Variants in EBI3 observed in about 807,000 individuals in gnomAD.
The protein encoded by EBI3 is interleukin-27 subunit beta.
In EBI3, 19 loss-of-function variants were observed where a neutral mutation model predicts 21.3. That is an observed-to-expected ratio of 0.89 (90% CI 0.62 to 1.31). The LOEUF is 1.31. Among genes scored for constraint, EBI3 ranks in the 50% most tolerant of loss-of-function variants. EBI3 has a pLI of 0.00. For missense variants in EBI3, 331 were observed against 314.0 expected (o/e 1.05, Z -0.41); for synonymous variants, 154 against 131.2 (o/e 1.17, Z -1.19).
intron 4 of EBI3, among the ~76,000 whole-genome samples, chr19:4,236,583 T>C (rs1970840574): frequency 7.3e-6 from 1 of 137,008 alleles, no homozygotes; most frequent in African/African-American, 2.8e-5. Context: ...AAGGGAGGTA[T>C]GGGGTCCTAT....
chr19:4,230,345 G>A (rs531784516), intron 1 of EBI3, among the ~76,000 whole-genome samples: 175 of 150,806 alleles, frequency 1.2e-3, no homozygotes, highest in African/African-American at 3.9e-3. Flanking sequence ...CGTGAGGATC[G>A]TGAGGCCAGG....
At chr19:4,234,584 T>C (rs1970819379) in intron 3 of EBI3, 83 bp from the exon 4 acceptor site, 1 of 1,538,886 alleles carries the variant, frequency 6.5e-7, no homozygotes, top group Non-Finnish European at 8.8e-7. Context: ...AATATATACA[T>C]AATATGTTGG....
rs1033696564 is a variant in EBI3, at chr19:4,235,326, G to T, written c.537+502G>T. On this transcript the variant is annotated intron_variant, in intron 4 of 4. Transcript: ENST00000221847. ...GAGCCACCGAATTGTTCACTTTATT[G>T]ATTGATTGATTGAAACAAGGTCTAG... Among the ~76,000 whole-genome samples the T allele has an allele frequency of 4.6e-5, 7 of 151,258 alleles. No homozygotes were observed. In the Admixed American group the frequency reaches 4.6e-4, roughly 10 times the overall value.
Position 4,230,025 on chromosome 19 carries a change from G to A in EBI3, c.67+408G>A, listed in dbSNP as rs148949895. Among the ~76,000 whole-genome samples the A allele has an allele frequency of 5.0e-3, 754 of 152,132 alleles. 7 individuals carry two copies. Among genetic ancestry groups the A allele is most frequent in the African/African-American group, 0.017 (708 of 41,516 alleles). ...AAACCTCCATCTCCTGGGTTCAAGCGAGATTCTCCTCCCTCAGCCTCCCGA... is the reference window on the plus strand; with the variant it reads ...AAACCTCCATCTCCTGGGTTCAAGCAAGATTCTCCTCCCTCAGCCTCCCGA... On this transcript the variant is annotated intron_variant, in intron 1 of 4. Transcript: ENST00000221847.
At chr19:4,231,345 C>A in intron 2 of EBI3, 22 bp downstream of exon 2, 1 of 1,587,834 alleles carries the variant, frequency 6.3e-7, no homozygotes, top group Non-Finnish European at 8.5e-7. Context: ...TGGAAGGGGG[C>A]CTCAGGGACA....
intron 1 of EBI3, 41 bp from the exon 2 acceptor site, chr19:4,231,150 T>G (rs1970778089): frequency 6.6e-7 from 1 of 1,523,954 alleles, no homozygotes; most frequent in South Asian, 1.3e-5. Flanking sequence ...TATGACAATC[T>G]GGGGGTAAAC....
Position 4,231,321 on chromosome 19 carries a change from C to T in EBI3, c.198C>T (p.Tyr66=). 1.2e-6 allele frequency: 2 copies of T among 1,607,784 alleles called. No individual in the cohort carries two copies. The highest frequency in any genetic ancestry group is 1.7e-6 in the Non-Finnish European group (2 of 1,177,898). The part of the protein sequence containing the change: ...STSPVSFIAT[Y]RLGMAARGHS... ...GCCCCGTGTCCTTCATTGCCACGTA[C>T]AGGTCGGAGAGCCTGGAAGGGGGCC... is the stretch of plus-strand genomic sequence containing the variant. The change falls in exon 2 of 5, where the codon TAC becomes TAT. Residue 66 remains tyrosine, a splice_region_variant and synonymous_variant. Coordinates refer to ENST00000221847, the MANE Select transcript of EBI3 (RefSeq NM_005755.3).
chr19:4,236,511 A>ACC (rs1970838337), intron 4 of EBI3, among the ~76,000 whole-genome samples: 1 of 103,824 alleles, frequency 9.6e-6, no homozygotes, highest in African/African-American at 3.8e-5. Flanking sequence ...ACAGAGTAAG[A>ACC]CTGTCTCAAA....
In EBI3 at chr19:4,231,340, G is replaced by T; in HGVS notation, c.200+17G>T. On this transcript the variant is annotated intron_variant, in intron 2 of 4. Coordinates refer to ENST00000221847, the MANE Select transcript of EBI3 (RefSeq NM_005755.3). ...CACGTACAGGTCGGAGAGCCTGGAA[G>T]GGGGCCTCAGGGACACTGGACTTCC... 6.3e-7 allele frequency: 1 copy of T among 1,591,556 alleles called. No individual in the cohort carries two copies.
rs1317719773 is a variant in EBI3, at chr19:4,237,072, T to A, written c.674T>A (p.Met225Lys). The change falls in exon 5 of 5, where the codon ATG (methionine) becomes AAG (lysine). Residue 225 changes from methionine (M) to lysine (K), a missense_variant. Physicochemically the swap from Met to Lys is moderately conservative, Grantham distance 95. Coordinates refer to ENST00000221847, the MANE Select transcript of EBI3 (RefSeq NM_005755.3). Reference protein sequence around the residue: ...SDWSLPATATMSLGK With the variant: ...SDWSLPATATKSLGK The stretch of plus-strand genomic sequence containing the variant: ...TGGAGTCTCCCCGCCACTGCCACAA[T>A]GAGCCTGGGCAAGTAGCAAGGGCTT... 6.5e-7 allele frequency: 1 copy of A among 1,543,296 alleles called. No homozygotes were observed. The highest frequency in any genetic ancestry group is 1.4e-5 in the African/African-American group (1 of 71,238).
At chr19:4,229,925 T>C (rs1253189641) in intron 1 of EBI3, among the ~76,000 whole-genome samples, 3 of 152,050 alleles carry the variant, frequency 2.0e-5, no homozygotes, top group Non-Finnish European at 4.4e-5. Flanking sequence ...TGGTTTCTTT[T>C]TGGTTTTGTT....
In EBI3 at chr19:4,234,739, C is replaced by T. The variant is rs770654651; in HGVS notation, c.452C>T (p.Pro151Leu). 3.1e-6 allele frequency: 5 copies of T among 1,614,158 alleles called. No homozygotes were observed. Among genetic ancestry groups the T allele is most frequent in the Non-Finnish European group, 4.2e-6 (5 of 1,180,026 alleles). Reference protein sequence around the residue: ...AERQLQVQWEPPGSWPFPEIF... With the variant: ...AERQLQVQWELPGSWPFPEIF... Reference sequence around the variant, plus strand: ...CGCCAGCTACAGGTGCAGTGGGAGCCTCCCGGGTCCTGGCCCTTCCCAGAG... The same window carrying T: ...CGCCAGCTACAGGTGCAGTGGGAGCTTCCCGGGTCCTGGCCCTTCCCAGAG... Residue 151 changes from proline to leucine, a missense_variant, in exon 4 of 5, where the codon CCT becomes CTT. Physicochemically the swap from Pro to Leu is moderately conservative, Grantham distance 98. Transcript: ENST00000221847.
Position 4,234,909 on chromosome 19 carries a change from C to T in EBI3, c.537+85C>T, listed in dbSNP as rs554260908. The T allele has an allele frequency of 6.4e-5, 100 of 1,550,576 alleles. No homozygotes were observed. The African/African-American group carries it at 1.1e-3, about 17-fold the overall frequency. ...CCAAGACTAGCAGGTGTGCTGGGCT[C>T]TTGCACATAGCTTGCGATTCCGGGT... On this transcript the variant is annotated intron_variant, in intron 4 of 4. Transcript: ENST00000221847.
intron 4 of EBI3, 125 bp downstream of exon 4, chr19:4,234,949 C>A: frequency 7.2e-7 from 1 of 1,388,422 alleles, no homozygotes; most frequent in Non-Finnish European, 9.7e-7. Context: ...TGAATAAGAG[C>A]AGTCCAGCAA....
intron 2 of EBI3, among the ~76,000 whole-genome samples, chr19:4,231,770 CAA>C (rs776262776): frequency 5.6e-4 from 58 of 102,874 alleles, no homozygotes; most frequent in South Asian, 3.5e-3. Flanking sequence ...GACTCCATCT[CAA>C]AAAAAAAAAA....
intron 1 of EBI3, among the ~76,000 whole-genome samples, chr19:4,230,642 G>A (rs1396359204): frequency 6.6e-6 from 1 of 152,002 alleles, no homozygotes; most frequent in Non-Finnish European, 1.5e-5. Flanking sequence ...CCAGCACTTT[G>A]GGAGGCCAAG....
At chr19:4,232,833 A>AATGG (rs1158550781) in intron 2 of EBI3, among the ~76,000 whole-genome samples, 5 of 143,162 alleles carry the variant, frequency 3.5e-5, no homozygotes, top group East Asian at 3.9e-4. Context: ...TGAATGAATG[A>AATGG]ATGGATGGAT....
chr19:4,233,310 G>C lies in EBI3; in HGVS notation c.379+3G>C. 6.4e-7 allele frequency: 1 copy of C among 1,566,126 alleles called. No individual in the cohort carries two copies. The highest frequency in any genetic ancestry group is 2.4e-5 in the East Asian group (1 of 42,314). ...GCCTTTCATAACAGAGCACATCAGTGAGTGGGGGCGGCAGTGGGGGCGGGG... is the reference window on the plus strand; with the variant it reads ...GCCTTTCATAACAGAGCACATCAGTCAGTGGGGGCGGCAGTGGGGGCGGGG... On this transcript the variant is annotated splice_donor_region_variant and intron_variant, in intron 3 of 4. Transcript: ENST00000221847.
intron 3 of EBI3, among the ~76,000 whole-genome samples, chr19:4,234,167 C>G (rs749399869): frequency 3.9e-5 from 6 of 152,188 alleles, no homozygotes; most frequent in Non-Finnish European, 8.8e-5. Context: ...GATTGTGCCA[C>G]TGCATTCCAG....
Sources: gnomAD v4.1 joint callset for allele counts (sites outside exome capture counted in the v4.1 genomes callset) on GRCh38, gnomAD v4.1.1 for gene constraint, MANE v1.5 for transcripts, NCBI Gene and HGNC (gene_info 2026-07-23, HGNC 2026-07-21) for gene names.